CLSTN2: variants seen among roughly 807,000 people sequenced by gnomAD.
CLSTN2 encodes the protein calsyntenin-2.
CLSTN2 carries 48 observed loss-of-function variants against 101.2 expected under a neutral mutation model. The ratio of observed to expected loss-of-function variants is 0.47; its 90% confidence interval spans 0.38 to 0.60. The LOEUF is 0.60. CLSTN2 is among the 20% of genes least tolerant of loss of function. The pLI, the probability that CLSTN2 is intolerant of heterozygous loss-of-function variation, is 0.00. For synonymous variants in CLSTN2, 481 were observed against 463.6 expected, an observed-to-expected ratio of 1.04 and a Z score of -0.48; for missense variants, 1,160 against 1,238.2, an observed-to-expected ratio of 0.94 and a Z score of 0.95.
At position 140,566,292 on chromosome 3, in the gene CLSTN2, G is replaced by A; in HGVS notation, c.*39G>A. The A allele has an allele frequency of 6.5e-7, 1 of 1,540,092 alleles. No homozygotes were observed. The highest frequency in any genetic ancestry group is 8.8e-7 in the Non-Finnish European group (1 of 1,137,962). On this transcript the variant is annotated 3_prime_UTR_variant, in exon 17 of 17. Transcript: ENST00000458420. ...GCTGCCTGGCCCACATGTCCCTTTT[G>A]TAAACCCTGACCCAGTGTATGCCCA...
chr3:140,499,518 C>CA, intron 8 of CLSTN2, among the ~76,000 whole-genome samples: 1 of 152,270 alleles, frequency 6.6e-6, no homozygotes, highest in Middle Eastern at 3.4e-3. Flanking sequence ...ACCTAAGAAA[C>CA]AAAGGCCCAC....
chr3:140,008,572 C>T (rs979536307), intron 1 of CLSTN2, among the ~76,000 whole-genome samples: 2 of 152,232 alleles, frequency 1.3e-5, no homozygotes, highest in Admixed American at 6.5e-5. Flanking sequence ...GCCCAGTTCC[C>T]GCCATTTGGC....
chr3:140,135,085 AAAACACACACAC>A (rs1326948546), intron 1 of CLSTN2, among the ~76,000 whole-genome samples: 3 of 25,048 alleles, frequency 1.2e-4, no homozygotes, highest in African/African-American at 2.2e-4. Context: ...GCCTCTCAAA[AAAACACACACAC>A]ACACACACAC....
chr3:140,184,030 C>T (rs543679795), intron 2 of CLSTN2, among the ~76,000 whole-genome samples: 1 of 152,140 alleles, frequency 6.6e-6, no homozygotes, highest in African/African-American at 2.4e-5. Flanking sequence ...CAGCTCTGCT[C>T]GTCTGAGCCA....
At chr3:140,142,679 A>C (rs1036300784) in intron 1 of CLSTN2, among the ~76,000 whole-genome samples, 1 of 152,220 alleles carries the variant, frequency 6.6e-6, no homozygotes, top group Non-Finnish European at 1.5e-5. Context: ...ATTCCTGCTC[A>C]AATAATGACC....
At chr3:140,408,023 C>T (rs1386504987) in intron 4 of CLSTN2, among the ~76,000 whole-genome samples, 2 of 152,164 alleles carry the variant, frequency 1.3e-5, no homozygotes, top group African/African-American at 4.8e-5. Flanking sequence ...TACAATCAGA[C>T]AGCTATCTAT....
chr3:140,259,569 A>C (rs2086632626), intron 2 of CLSTN2, among the ~76,000 whole-genome samples: 1 of 152,158 alleles, frequency 6.6e-6, no homozygotes, highest in African/African-American at 2.4e-5. Context: ...AACTATCACC[A>C]CAATCAAGAT....
At chr3:140,498,619 G>C (rs1237984454) in intron 8 of CLSTN2, among the ~76,000 whole-genome samples, 1 of 152,158 alleles carries the variant, frequency 6.6e-6, no homozygotes, top group Middle Eastern at 3.2e-3. Flanking sequence ...GGTGGGTCAA[G>C]GTACAAATAA....
chr3:140,289,718 A>G (rs2086931452), intron 2 of CLSTN2, among the ~76,000 whole-genome samples: 2 of 152,160 alleles, frequency 1.3e-5, no homozygotes, highest in Admixed American at 1.3e-4. Context: ...ATACATCTGT[A>G]TGAGGGCTCA....
At chr3:140,406,954 T>G (rs1470393854) in intron 4 of CLSTN2, among the ~76,000 whole-genome samples, 3 of 152,242 alleles carry the variant, frequency 2.0e-5, no homozygotes, top group Non-Finnish European at 4.4e-5. Flanking sequence ...TATGCCAATT[T>G]ATTTCCCTGG....
chr3:140,072,462 TTAACAA>T (rs1221333748), intron 1 of CLSTN2, among the ~76,000 whole-genome samples: 1 of 152,220 alleles, frequency 6.6e-6, no homozygotes, highest in African/African-American at 2.4e-5. Flanking sequence ...AAAATTCAAA[TTAACAA>T]TGTTAATTTT....
At chr3:140,165,570 G>T (rs1462718037) in intron 1 of CLSTN2, among the ~76,000 whole-genome samples, 3 of 152,124 alleles carry the variant, frequency 2.0e-5, no homozygotes, top group Admixed American at 2.0e-4. Flanking sequence ...GGAGTGAGCT[G>T]AACCTGGAAG....
intron 1 of CLSTN2, among the ~76,000 whole-genome samples, chr3:139,955,883 C>T (rs1342904287): frequency 6.6e-6 from 1 of 152,136 alleles, no homozygotes; most frequent in East Asian, 1.9e-4. Context: ...AGATGGAGTC[C>T]CTGGAGAGGG....
chr3:140,094,470 T>C (rs1481652983), intron 1 of CLSTN2, among the ~76,000 whole-genome samples: 1 of 152,236 alleles, frequency 6.6e-6, no homozygotes, highest in Non-Finnish European at 1.5e-5. Flanking sequence ...GGCTGGCTGA[T>C]TCCTTTAACT....
intron 1 of CLSTN2, among the ~76,000 whole-genome samples, chr3:140,126,202 G>C (rs1221110899): frequency 6.6e-6 from 1 of 152,118 alleles, no homozygotes; most frequent in African/African-American, 2.4e-5. Flanking sequence ...TCTCATGGAT[G>C]TTTAAGTCTG....
At chr3:140,430,640 T>C (rs1163045751) in intron 5 of CLSTN2, among the ~76,000 whole-genome samples, 1 of 152,172 alleles carries the variant, frequency 6.6e-6, no homozygotes, top group Admixed American at 6.5e-5. Context: ...TGTGTGAAGC[T>C]CTTGTTGTCC....
At chr3:140,189,653 C>A (rs1209476567) in intron 2 of CLSTN2, among the ~76,000 whole-genome samples, 2 of 152,002 alleles carry the variant, frequency 1.3e-5, no homozygotes, top group Non-Finnish European at 2.9e-5. Flanking sequence ...AGTACTAATT[C>A]TTTGTCAGAT....
chr3:140,327,464 G>A (rs2087343390), intron 2 of CLSTN2, among the ~76,000 whole-genome samples: 1 of 152,188 alleles, frequency 6.6e-6, no homozygotes, highest in Non-Finnish European at 1.5e-5. Flanking sequence ...GTTCTGCTGG[G>A]CTCAGGTTAG....
At chr3:140,406,214 G>A (rs2088300366) in intron 4 of CLSTN2, among the ~76,000 whole-genome samples, 1 of 152,170 alleles carries the variant, frequency 6.6e-6, no homozygotes, top group South Asian at 2.1e-4. Flanking sequence ...GTTGAGACCA[G>A]GTAGAAACTT....
Sources: allele counts gnomAD v4.1 joint callset (sites outside exome capture counted in the v4.1 genomes callset), GRCh38; gene constraint gnomAD v4.1.1; transcripts MANE v1.5; gene names NCBI Gene and HGNC (gene_info 2026-07-23, HGNC 2026-07-21).